Variants in TNK2 observed in about 807,000 individuals in gnomAD.
TNK2 encodes activated CDC42 kinase 1.
TNK2 carries 83 observed loss-of-function variants against 101.8 expected under a neutral mutation model. The observed-to-expected ratio is 0.82, with a 90% CI of 0.68 to 0.98. TNK2 has a LOEUF of 0.98. Ranked by LOEUF, TNK2 falls within the 50% of genes least tolerant of loss-of-function variation. The probability of loss-of-function intolerance (pLI) is 0.00; values close to 1 mark genes in which losing one functional copy is unlikely to be tolerated. For synonymous variants in TNK2, 804 were observed against 633.0 expected (o/e 1.27, Z -4.06); for missense variants, 1,665 against 1,483.2 (o/e 1.12, Z -2.01).
chr3:195,878,177 C>G lies in TNK2; in HGVS notation c.1256+76G>C, dbSNP rs1325838998. 4.0e-6 allele frequency: 6 copies of G among 1,494,776 alleles called. No homozygotes were observed. Among genetic ancestry groups the G allele is most frequent in the Non-Finnish European group, 4.7e-6 (5 of 1,073,562 alleles). The allele number at this position is 1,494,776 out of a possible 1,614,324, so 92.6% of individuals were successfully genotyped here. On this transcript the variant is annotated intron_variant, in intron 9 of 15. Transcript: ENST00000672887. This position sits in a 1 kb window ranked among gnomAD's most constrained non-coding sequence, Gnocchi z 4.7. ...GGCCAAGGGAATCTTGGAGGCCAAA[C>G]AGATCTGTCCACAGGTCCCTCCGAC...
At chr3:195,906,226 G>A (rs1761701254) in intron 1 of TNK2, among the ~76,000 whole-genome samples, 1 of 152,206 alleles carries the variant, frequency 6.6e-6, no homozygotes, top group Non-Finnish European at 1.5e-5. Context: ...CAGTGGATGA[G>A]TATATAAAAT....
chr3:195,890,886 G>C (rs947702219), intron 1 of TNK2, among the ~76,000 whole-genome samples: 1 of 152,044 alleles, frequency 6.6e-6, no homozygotes, highest in African/African-American at 2.4e-5. Flanking sequence ...CTCCCCTCTC[G>C]GTCAGCACTT....
At chr3:195,896,366 G>A (rs1439235365) in intron 1 of TNK2, 5 of 316,052 alleles carry the variant, frequency 1.6e-5, no homozygotes, top group Non-Finnish European at 3.1e-5. Flanking sequence ...GGCTGAGCCA[G>A]ACCCTGGAAG....
At chr3:195,875,070 C>T (rs1577029883) in intron 9 of TNK2, among the ~76,000 whole-genome samples, 1 of 8,446 alleles carries the variant, frequency 1.2e-4, no homozygotes, top group Non-Finnish European at 1.7e-4. Flanking sequence ...AGGAAGCTCC[C>T]CCTCGGGATG....
At chr3:195,892,027 G>A (rs1758691910) in intron 1 of TNK2, 1 of 1,032,850 alleles carries the variant, frequency 9.7e-7, no homozygotes, top group Non-Finnish European at 1.2e-6. Flanking sequence ...CAAGCGGTCA[G>A]GGTCTCAGTC....
chr3:195,868,262 C>A lies in TNK2; in HGVS notation c.2036G>T (p.Ser679Ile), dbSNP rs1036101042. ...LVGAGVPAGP[S>I]QGQTNYAFVP... ...AAAGGCGTAGTTGGTCTGGCCCTGG[C>A]TGGGCCCGGCAGGGACCCCCGCGCC... Residue 679 changes from serine (S) to isoleucine (I), a missense_variant, in exon 13 of 16, where the codon AGC (serine) becomes ATC (isoleucine). Ser to Ile is a moderately radical substitution (Grantham distance 142). Around this residue, in one of 3 missense-constraint regions of TNK2, gnomAD observed 1,136 missense variants for 894.9 expected, o/e 1.27. Transcript: ENST00000672887. 6.2e-7 allele frequency: 1 copy of A among 1,604,530 alleles called. No homozygotes were observed. The highest frequency in any genetic ancestry group is 8.5e-7 in the Non-Finnish European group (1 of 1,179,532).
chr3:195,868,798 T>TG, intron 12 of TNK2, 89 bp from the exon 13 acceptor site: 1 of 1,411,554 alleles, frequency 7.1e-7, no homozygotes, highest in Non-Finnish European at 9.3e-7. Flanking sequence ...GAAAGCCAAG[T>TG]GTCCCCCAGC....
intron 1 of TNK2, among the ~76,000 whole-genome samples, chr3:195,893,345 C>A (rs1211970978): frequency 6.6e-6 from 1 of 151,934 alleles, no homozygotes; most frequent in Non-Finnish European, 1.5e-5. Context: ...GGATCCTCAC[C>A]CCCTCCCCTG....
chr3:195,870,698 T>C (rs142515837), intron 10 of TNK2, among the ~76,000 whole-genome samples: 48 of 152,354 alleles, frequency 3.2e-4, no homozygotes, highest in Non-Finnish European at 5.6e-4. Context: ...CAACTGTCAG[T>C]ATCTGAGACT....
At chr3:195,891,213 C>T (rs1427269315) in intron 1 of TNK2, among the ~76,000 whole-genome samples, 3 of 152,210 alleles carry the variant, frequency 2.0e-5, no homozygotes, top group African/African-American at 7.2e-5. Flanking sequence ...TCGAGACCAG[C>T]CTGACCAACA....
At chr3:195,902,531 T>C (rs1393008948) in intron 1 of TNK2, among the ~76,000 whole-genome samples, 3 of 150,522 alleles carry the variant, frequency 2.0e-5, no homozygotes, top group African/African-American at 4.9e-5. Flanking sequence ...GGCAGGACAA[T>C]TGCTTGAACC....
At chr3:195,887,260 TAACCAAAAACTTGA>T (rs1367432538) in intron 2 of TNK2, among the ~76,000 whole-genome samples, 1 of 152,230 alleles carries the variant, frequency 6.6e-6, no homozygotes, top group East Asian at 1.9e-4. Flanking sequence ...TGAAGGTGTT[TAACCAAAAACTTGA>T]AGCGATGGGC....
Position 195,882,206 on chromosome 3 carries a change from C to T in TNK2, c.732G>A (p.Glu244=). The T allele has an allele frequency of 6.2e-7, 1 of 1,613,926 alleles. No individual in the cohort carries two copies. Among genetic ancestry groups the T allele is most frequent in the Non-Finnish European group, 8.5e-7 (1 of 1,180,030 alleles). ...VQVAEGMGYL[E]SKRFIHRDLA... ...GGTCACGGTGAATAAAGCGCTTGGA[C>T]TCCAGGTAGCCCATGCCCTCAGCCA... Residue 244 remains glutamate, a synonymous_variant, in exon 6 of 16, where the codon GAG becomes GAA. Coordinates refer to ENST00000672887, the MANE Select transcript of TNK2 (RefSeq NM_001382273.1). The surrounding 1 kb of genome is among the most constrained non-coding windows in gnomAD (Gnocchi z 4.2).
intron 9 of TNK2, among the ~76,000 whole-genome samples, chr3:195,873,828 G>C (rs1019400779): frequency 6.6e-6 from 1 of 152,000 alleles, no homozygotes; most frequent in African/African-American, 2.4e-5. Flanking sequence ...GGGAGGCGGG[G>C]GGCGCGGGGC....
intron 15 of TNK2, 21 bp from the exon 16 acceptor site, chr3:195,864,208 A>G (rs1385458606): frequency 6.2e-7 from 1 of 1,614,004 alleles, no homozygotes; most frequent in East Asian, 2.2e-5. Context: ...GGAAACCACC[A>G]GCACAGTTAA....
At chr3:195,884,640 T>C (rs980939017) in intron 4 of TNK2, 172 bp downstream of exon 4, 3 of 613,646 alleles carry the variant, frequency 4.9e-6, no homozygotes, top group Non-Finnish European at 8.2e-6. Context: ...CGAGACTCCA[T>C]CTCAAAAATA....
In TNK2 at chr3:195,868,659, A is replaced by G; in HGVS notation, c.1639T>C (p.Phe547Leu). The change falls in exon 13 of 16, where the codon TTC (phenylalanine) becomes CTC (leucine). Residue 547 changes from phenylalanine to leucine, a missense_variant. Physicochemically the swap from Phe to Leu is conservative, Grantham distance 22. This residue lies in a region of TNK2 where 1,136 missense variants were observed against 894.9 expected (regional missense o/e 1.27). Coordinates refer to ENST00000672887, the MANE Select transcript of TNK2 (RefSeq NM_001382273.1). ...SEDQDPLSSDFKRLGLRKPGL... is the reference protein window; with the variant it reads ...SEDQDPLSSDLKRLGLRKPGL... ...GGCTTCCGCAGGCCCAGCCTCTTGA[A>G]GTCGCTGGACAAGGGGTCTTGGTCC... The G allele has an allele frequency of 6.3e-7, 1 of 1,593,658 alleles. No individual in the cohort carries two copies. The highest frequency in any genetic ancestry group is 8.5e-7 in the Non-Finnish European group (1 of 1,177,886).
At position 195,887,039 on chromosome 3, in the gene TNK2, G is replaced by A. The variant is rs571703490; in HGVS notation, c.172C>T (p.Arg58Trp). The A allele has an allele frequency of 5.6e-6, 9 of 1,601,894 alleles. No homozygotes were observed. Among genetic ancestry groups the A allele is most frequent in the East Asian group, 2.3e-5 (1 of 44,006 alleles). Residue 58 changes from arginine (R) to tryptophan (W), a missense_variant, in exon 3 of 16, where the codon CGG becomes TGG. Around this residue, in one of 3 missense-constraint regions of TNK2, gnomAD observed 490 missense variants for 522.5 expected, o/e 0.94. Coordinates refer to ENST00000672887, the MANE Select transcript of TNK2 (RefSeq NM_001382273.1). ...KIGMGRPGQR[R>W]LWEAVKRRKA... ...CTCCTCTTCACAGCCTCCCACAGCC[G>A]CCGCTGGCCTGCAGGGAGAGCGGGG...
In TNK2 at chr3:195,885,101, G is replaced by A. The variant is rs919407332; in HGVS notation, c.235-68C>T. On this transcript the variant is annotated intron_variant, in intron 3 of 15. Transcript: ENST00000672887. The surrounding 1 kb of genome is among the most constrained non-coding windows in gnomAD (Gnocchi z 4.7). ...AGGGTCAGTCACTCAGTCCCACCCC[G>A]CTGGGTCCACCTGGTGATCCCCGGC... 98 of 1,442,590 alleles carry A rather than the reference G, an allele frequency of 6.8e-5. No individual in the cohort carries two copies. Among genetic ancestry groups the A allele is most frequent in the East Asian group, 1.9e-4 (8 of 42,464 alleles). 89.4% of individuals were successfully genotyped at this position (1,442,590 alleles called of 1,614,324 possible).
Sources: gnomAD v4.1 joint callset for allele counts (sites outside exome capture counted in the v4.1 genomes callset) on GRCh38, gnomAD v4.1.1 for gene constraint, gnomAD v4.1.1 regional missense constraint, Gnocchi (gnomAD v3.1) non-coding constraint, MANE v1.5 for transcripts, NCBI Gene and HGNC (gene_info 2026-07-23, HGNC 2026-07-21) for gene names.